The following LMBRD2 variants were observed in gnomAD, a reference collection of about 807,000 sequenced individuals.
LMBRD2 encodes G protein-coupled receptor-associated protein LMBRD2.
A neutral mutation model predicts 94.4 loss-of-function variants in LMBRD2; 55 were observed. That is an observed-to-expected ratio of 0.58 (90% CI 0.47 to 0.73). The LOEUF is 0.73. LMBRD2 is among the 30% of genes least tolerant of loss of function. LMBRD2 has a pLI of 0.00. For synonymous variants in LMBRD2, 246 were observed against 272.4 expected, an observed-to-expected ratio of 0.90 and a Z score of 0.95; for missense variants, 640 against 831.9, an observed-to-expected ratio of 0.77 and a Z score of 2.84.
At chr5:36,122,145 C>T in intron 9 of LMBRD2, 135 bp downstream of exon 9, 1 of 597,096 alleles carries the variant, frequency 1.7e-6, no homozygotes, top group East Asian at 3.1e-5. Context: ...GGAAATGTTA[C>T]CAGATACTTA....
intron 14 of LMBRD2, among the ~76,000 whole-genome samples, 172 bp from the exon 15 acceptor site, chr5:36,110,163 A>G (rs1743570998): frequency 6.6e-6 from 1 of 152,058 alleles, no homozygotes; most frequent in Admixed American, 6.6e-5. Flanking sequence ...TCAGTAGTGA[A>G]TGCCTTCTCT....
At chr5:36,116,830 C>A (rs1387839991) in intron 10 of LMBRD2, among the ~76,000 whole-genome samples, 2 of 152,086 alleles carry the variant, frequency 1.3e-5, no homozygotes, top group African/African-American at 4.8e-5. Flanking sequence ...GCATGTGCCA[C>A]CACGCCCGGC....
At chr5:36,109,924 A>C in intron 15 of LMBRD2, 21 bp downstream of exon 15, 1 of 1,543,788 alleles carries the variant, frequency 6.5e-7, no homozygotes, top group African/African-American at 1.4e-5. Context: ...TTCAGATTAC[A>C]GAAATTAATA....
In LMBRD2 at chr5:36,117,907, C is replaced by T; in HGVS notation, c.1130G>A (p.Trp377Ter). 6.2e-7 allele frequency: 1 copy of T among 1,602,424 alleles called. No homozygotes were observed. Among genetic ancestry groups the T allele is most frequent in the Non-Finnish European group, 8.5e-7 (1 of 1,176,536 alleles). Reference protein sequence around the residue: ...YFYNPTFEWYWECLLRPWFYK... With the variant: ...YFYNPTFEWY ...AAACCATGGTCGCAAAAGACATTCC[C>T]AGTACCATTCTAGAAGACAAAAGAA... is the stretch of plus-strand genomic sequence containing the variant. The change falls in exon 10 of 18, where the codon TGG (tryptophan) becomes TAG (stop). Residue 377 changes from tryptophan to a stop codon, truncating the protein, a stop_gained. Coordinates refer to ENST00000296603, the MANE Select transcript of LMBRD2 (RefSeq NM_001007527.2). LOFTEE classifies it high-confidence loss of function.
At chr5:36,139,800 A>G (rs2111905809) in intron 4 of LMBRD2, among the ~76,000 whole-genome samples, 1 of 152,274 alleles carries the variant, frequency 6.6e-6, no homozygotes. Context: ...CTGCCTGCAG[A>G]AAGGAGCTAT....
At chr5:36,106,200 C>A (rs539433685) in intron 16 of LMBRD2, among the ~76,000 whole-genome samples, 1 of 152,248 alleles carries the variant, frequency 6.6e-6, no homozygotes, top group East Asian at 1.9e-4. Context: ...AGCAAGCATC[C>A]AAATCCCTTT....
chr5:36,107,244 T>A (rs115381396), intron 16 of LMBRD2, among the ~76,000 whole-genome samples: 1 of 152,212 alleles, frequency 6.6e-6, no homozygotes, highest in Non-Finnish European at 1.5e-5. Context: ...TATCTGTTCA[T>A]GCACATTGTC....
At chr5:36,108,199 A>G (rs932490773) in intron 16 of LMBRD2, among the ~76,000 whole-genome samples, 1 of 152,178 alleles carries the variant, frequency 6.6e-6, no homozygotes, top group Non-Finnish European at 1.5e-5. Flanking sequence ...CAAATAACCT[A>G]CACCTACTAA....
In LMBRD2 at chr5:36,143,337, C is replaced by T. The variant is rs760753088; in HGVS notation, c.13G>A (p.Ala5Thr). ...ACAAAAACAATCTCAAGTCCCAAAG[C>T]TGCACCACTCATTATTGAATATTTC... MSGAALGLEIVFVFF... is the reference protein window; with the variant it reads MSGATLGLEIVFVFF... Residue 5 changes from alanine (A) to threonine (T), a missense_variant, in exon 2 of 18, where the codon GCT becomes ACT. This residue lies in a region of LMBRD2 where 457 missense variants were observed against 642.8 expected (regional missense o/e 0.71). Transcript: ENST00000296603. The T allele has an allele frequency of 6.2e-6, 10 of 1,612,820 alleles. No individual in the cohort carries two copies. The South Asian group carries it at 1.1e-4, about 18-fold the overall frequency.
intron 1 of LMBRD2, among the ~76,000 whole-genome samples, chr5:36,146,854 TAC>T (rs1744553418): frequency 6.6e-6 from 1 of 152,182 alleles, no homozygotes. Context: ...ACTGTACATA[TAC>T]AGTGAAATAA....
Position 36,137,440 on chromosome 5 carries a change from T to G in LMBRD2, c.370A>C (p.Ile124Leu). The change falls in exon 5 of 18, where the codon ATT (isoleucine) becomes CTT (leucine). Residue 124 changes from isoleucine to leucine, a missense_variant and splice_region_variant. Transcript: ENST00000296603. ...TATGACTGCATAAAAGGTAAGAGAA[T>G]CCTAGATGGATAGAAAAAATATGAT... ...VYWTSQFLTW[I>L]LLPFMQSYAR... 1 of 1,527,660 alleles carries G rather than the reference T, an allele frequency of 6.5e-7. No individual in the cohort carries two copies. Among genetic ancestry groups the G allele is most frequent in the Non-Finnish European group, 8.9e-7 (1 of 1,126,668 alleles). The allele number at this position is 1,527,660 out of a possible 1,614,324, so 94.6% of individuals were successfully genotyped here.
rs776502262 is a variant in LMBRD2, at chr5:36,102,462, CTGTA to C, written c.*1580_*1583del. On this transcript the variant is annotated 3_prime_UTR_variant, in exon 18 of 18. Transcript: ENST00000296603. ...TCTGGCCACACTTCACATGAAAAGACTGTATGTGTGTGTTCTTAAGTGTAGTCTA... is the reference window on the plus strand; with the variant it reads ...TCTGGCCACACTTCACATGAAAAGACTGTGTGTGTTCTTAAGTGTAGTCTA... 5 of 151,772 alleles carry C rather than the reference CTGTA, an allele frequency of 3.3e-5. No homozygotes were observed. The highest frequency in any genetic ancestry group is 5.9e-5 in the Non-Finnish European group (4 of 67,794). The allele number at this position is 151,772 out of a possible 1,614,324, so 9.4% of individuals were successfully genotyped here.
intron 5 of LMBRD2, 41 bp from the exon 6 acceptor site, chr5:36,136,560 G>A (rs745599965): frequency 6.4e-7 from 1 of 1,557,622 alleles, no homozygotes; most frequent in East Asian, 2.2e-5. Context: ...TATTTTAATG[G>A]AAAGATAAAA....
In LMBRD2 at chr5:36,142,606, C is replaced by A; in HGVS notation, c.175-7G>T. The A allele has an allele frequency of 6.5e-7, 1 of 1,535,440 alleles. No individual in the cohort carries two copies. The highest frequency in any genetic ancestry group is 1.1e-5 in the South Asian group (1 of 89,326). On this transcript the variant is annotated splice_region_variant and splice_polypyrimidine_tract_variant and intron_variant, in intron 2 of 17. Transcript: ENST00000296603. ...TGCACCGGTTGTATATTGTCTAAAG[C>A]AACGAATGTATGGTTTAAAAATGAG...
At chr5:36,130,565 G>T (rs1216213111) in intron 6 of LMBRD2, among the ~76,000 whole-genome samples, 1 of 152,112 alleles carries the variant, frequency 6.6e-6, no homozygotes, top group East Asian at 1.9e-4. Flanking sequence ...AATGGCAGGA[G>T]TAAGTCCTCA....
intron 5 of LMBRD2, 120 bp from the exon 6 acceptor site, chr5:36,136,639 A>C (rs1177311704): frequency 1.3e-6 from 1 of 766,356 alleles, no homozygotes; most frequent in African/African-American, 1.8e-5. Flanking sequence ...AGCATCTAGA[A>C]TAATTCATGG....
chr5:36,117,127 G>A (rs1310854194), intron 10 of LMBRD2, among the ~76,000 whole-genome samples: 1 of 151,768 alleles, frequency 6.6e-6, no homozygotes. Flanking sequence ...ACCTTCTAAT[G>A]TGAGCCTGTT....
chr5:36,146,526 C>CGCCTG (rs901496117), intron 1 of LMBRD2, among the ~76,000 whole-genome samples: 1 of 152,128 alleles, frequency 6.6e-6, no homozygotes, highest in Non-Finnish European at 1.5e-5. Context: ...CACACCACCA[C>CGCCTG]GCCTGGCTAA....
At position 36,137,394 on chromosome 5, in the gene LMBRD2, G is replaced by A; in HGVS notation, c.416C>T (p.Ser139Phe). The change falls in exon 5 of 18, where the codon TCC (serine) becomes TTC (phenylalanine). Residue 139 changes from serine (S) to phenylalanine (F), a missense_variant. This residue lies in a region of LMBRD2 where 457 missense variants were observed against 642.8 expected (regional missense o/e 0.71). Transcript: ENST00000296603. ...MQSYARSGGF[S>F]ITGKIKTALI... ...TGCAGTTTTGATCTTTCCAGTGATG[G>A]AAAACCCTCCTGATCTTGCATATGA... The A allele has an allele frequency of 6.3e-7, 1 of 1,599,170 alleles. No homozygotes were observed. Among genetic ancestry groups the A allele is most frequent in the South Asian group, 1.1e-5 (1 of 88,834 alleles).
Sources: allele counts gnomAD v4.1 joint callset (sites outside exome capture counted in the v4.1 genomes callset), GRCh38; gene constraint gnomAD v4.1.1; regional missense constraint gnomAD v4.1.1; transcripts MANE v1.5; gene names NCBI Gene and HGNC (gene_info 2026-07-23, HGNC 2026-07-21).